GLRB: variants seen among roughly 807,000 people sequenced by gnomAD.
GLRB encodes glycine receptor subunit beta.
Under a neutral mutation model 54.2 loss-of-function variants are expected in GLRB, and 33 were observed. The observed-to-expected ratio is 0.61, with a 90% CI of 0.46 to 0.81. GLRB has a LOEUF of 0.81. Among genes scored for constraint, GLRB ranks in the 40% least tolerant of loss-of-function variants. GLRB has a pLI of 0.00. For missense variants in GLRB, 572 were observed against 584.6 expected (o/e 0.98, Z 0.22); for synonymous variants, 209 against 208.2 (o/e 1.00, Z -0.03).
intron 3 of GLRB, 64 bp downstream of exon 3, chr4:157,120,726 A>T (rs889797413): frequency 6.5e-6 from 5 of 773,882 alleles, no homozygotes; most frequent in African/African-American, 5.3e-5. Flanking sequence ...ATGTTTAGAG[A>T]TTTGTGATAT....
chr4:157,113,668 G>A (rs994923964), intron 2 of GLRB, among the ~76,000 whole-genome samples: 4 of 151,930 alleles, frequency 2.6e-5, no homozygotes, highest in Middle Eastern at 3.4e-3. Flanking sequence ...GAGAAGATTT[G>A]AAAATGTTTC....
Position 157,078,032 on chromosome 4 carries a change from T to C in GLRB, c.8T>C (p.Phe3Ser). 6.2e-7 allele frequency: 1 copy of C among 1,610,666 alleles called. No individual in the cohort carries two copies. MK[F>S]LLTTAFLILI... is the part of the protein sequence containing the mutation. ...GAAATTCAAGTTTTCAAGATGAAGTTTTTATTGACAACTGCCTTTTTAATT... is the reference window on the plus strand; with the variant it reads ...GAAATTCAAGTTTTCAAGATGAAGTCTTTATTGACAACTGCCTTTTTAATT... Residue 3 changes from phenylalanine (F) to serine (S), a missense_variant, in exon 2 of 10, where the codon TTT becomes TCT. Phe to Ser is a radical substitution (Grantham distance 155). Coordinates refer to ENST00000264428, the MANE Select transcript of GLRB (RefSeq NM_000824.5).
chr4:157,163,852 G>GTGTGTGTGTGTGTGTGTT (rs1337392046), intron 9 of GLRB, among the ~76,000 whole-genome samples: 5 of 151,752 alleles, frequency 3.3e-5, no homozygotes, highest in African/African-American at 1.2e-4. Context: ...GTGTGTGTGT[G>GTGTGTGTGTGTGTGTGTT]TTTTAATATA....
intron 6 of GLRB, among the ~76,000 whole-genome samples, chr4:157,138,212 C>T (rs1736476839): frequency 6.6e-6 from 1 of 152,044 alleles, no homozygotes; most frequent in Non-Finnish European, 1.5e-5. Flanking sequence ...GCTGAGATCA[C>T]ATGCGTCCAC....
intron 2 of GLRB, among the ~76,000 whole-genome samples, chr4:157,119,764 G>C (rs1408721732): frequency 1.3e-5 from 2 of 151,668 alleles, no homozygotes; most frequent in Non-Finnish European, 2.9e-5. Context: ...GGAGAAATAG[G>C]AACACTTTTA....
chr4:157,122,314 T>G lies in GLRB; in HGVS notation c.230-16T>G. On this transcript the variant is annotated splice_polypyrimidine_tract_variant and intron_variant, in intron 3 of 9. Transcript: ENST00000264428. ...TTTTTACAGCTAATAAATATATTCT[T>G]AATTTTTATTCATAGGCATTCCTGT... 1 of 1,051,242 alleles carries G rather than the reference T, an allele frequency of 9.5e-7. No homozygotes were observed. The highest frequency in any genetic ancestry group is 1.5e-6 in the Non-Finnish European group (1 of 686,596). 65.1% of individuals were successfully genotyped at this position (1,051,242 alleles called of 1,614,324 possible).
At chr4:157,119,763 G>A (rs1735736430) in intron 2 of GLRB, among the ~76,000 whole-genome samples, 1 of 151,826 alleles carries the variant, frequency 6.6e-6, no homozygotes, top group South Asian at 2.1e-4. Flanking sequence ...TGGAGAAATA[G>A]GAACACTTTT....
chr4:157,150,577 G>T (rs1736984813), intron 8 of GLRB, among the ~76,000 whole-genome samples: 1 of 151,948 alleles, frequency 6.6e-6, no homozygotes, highest in Non-Finnish European at 1.5e-5. Context: ...AATGATATTG[G>T]CTAATCTTTT....
At chr4:157,097,452 A>G (rs1043596120) in intron 2 of GLRB, among the ~76,000 whole-genome samples, 1 of 152,212 alleles carries the variant, frequency 6.6e-6, no homozygotes, top group Non-Finnish European at 1.5e-5. Flanking sequence ...TTGAACTATT[A>G]TTCTTGCAAT....
chr4:157,095,661 T>C (rs1734782444), intron 2 of GLRB, among the ~76,000 whole-genome samples: 1 of 152,136 alleles, frequency 6.6e-6, no homozygotes, highest in African/African-American at 2.4e-5. Flanking sequence ...ACCCTATCTC[T>C]ACAAAAACTT....
At chr4:157,107,513 C>A (rs76774029) in intron 2 of GLRB, among the ~76,000 whole-genome samples, 6,565 of 152,116 alleles carry the variant, frequency 0.043, 148 homozygotes, top group African/African-American at 0.06. Context: ...AGATAGAAGA[C>A]CAAATGACCT....
intron 2 of GLRB, among the ~76,000 whole-genome samples, chr4:157,084,033 T>C (rs1734319922): frequency 6.6e-6 from 1 of 152,154 alleles, no homozygotes; most frequent in Non-Finnish European, 1.5e-5. Flanking sequence ...AGGTACATCA[T>C]ATATGAAACT....
At chr4:157,102,471 A>G (rs1210636155) in intron 2 of GLRB, among the ~76,000 whole-genome samples, 1 of 152,126 alleles carries the variant, frequency 6.6e-6, no homozygotes, top group Non-Finnish European at 1.5e-5. Context: ...TTCATTTAAC[A>G]TTATGTCCTC....
rs376189752 is a variant in GLRB at position 157,170,527 on chromosome 4, A to G, written c.1293A>G (p.Glu431=). Residue 431 remains glutamate, a synonymous_variant, in exon 10 of 10, where the codon GAA becomes GAG. Coordinates refer to ENST00000264428, the MANE Select transcript of GLRB (RefSeq NM_000824.5). ...SIVGSLPRDF[E]LSNYDCYGKP... ...TTGGAAGCTTACCAAGAGATTTTGAACTATCCAATTATGACTGCTATGGAA... is the reference window on the plus strand; with the variant it reads ...TTGGAAGCTTACCAAGAGATTTTGAGCTATCCAATTATGACTGCTATGGAA... The G allele has an allele frequency of 1.0e-4, 164 of 1,611,504 alleles. No homozygotes were observed. The highest frequency in any genetic ancestry group is 1.3e-4 in the Non-Finnish European group (156 of 1,177,916).
chr4:157,155,867 T>A (rs1737207769), intron 9 of GLRB, among the ~76,000 whole-genome samples: 1 of 152,174 alleles, frequency 6.6e-6, no homozygotes, highest in East Asian at 1.9e-4. Flanking sequence ...CTATTATTTC[T>A]TTGTGTACTT....
intron 2 of GLRB, among the ~76,000 whole-genome samples, chr4:157,081,553 ATAC>A (rs1172647871): frequency 6.6e-6 from 1 of 152,184 alleles, no homozygotes; most frequent in Non-Finnish European, 1.5e-5. Context: ...CTTTTCATTC[ATAC>A]TACAATCCTG....
At chr4:157,112,075 T>C (rs1267517453) in intron 2 of GLRB, among the ~76,000 whole-genome samples, 3 of 149,798 alleles carry the variant, frequency 2.0e-5, no homozygotes, top group Non-Finnish European at 4.4e-5. Context: ...CAATTCCATG[T>C]CTTTTTTTTT....
At chr4:157,134,949 A>G (rs933725898) in intron 4 of GLRB, among the ~76,000 whole-genome samples, 2 of 152,166 alleles carry the variant, frequency 1.3e-5, no homozygotes, top group Non-Finnish European at 2.9e-5. Flanking sequence ...CATATGAAGC[A>G]TATGAAAGCA....
chr4:157,108,177 GT>G (rs1453613360), intron 2 of GLRB, among the ~76,000 whole-genome samples: 1 of 152,082 alleles, frequency 6.6e-6, no homozygotes, highest in Non-Finnish European at 1.5e-5. Context: ...ACAAGGAGTT[GT>G]TTTCATGCCT....
Sources: allele counts gnomAD v4.1 joint callset (sites outside exome capture counted in the v4.1 genomes callset), GRCh38; gene constraint gnomAD v4.1.1; transcripts MANE v1.5; gene names NCBI Gene and HGNC (gene_info 2026-07-23, HGNC 2026-07-21).